The following PPIL3 variants were observed in gnomAD, a reference collection of about 807,000 sequenced individuals.
PPIL3 encodes the protein peptidyl-prolyl cis-trans isomerase-like 3.
In PPIL3, 13 loss-of-function variants were observed where a neutral mutation model predicts 20.9. That is an observed-to-expected ratio of 0.62 (90% CI 0.40 to 0.99). The LOEUF is 0.99. Ranked by LOEUF, PPIL3 falls within the 50% of genes least tolerant of loss-of-function variation. The pLI is 0.00. For synonymous variants in PPIL3, 71 were observed against 64.4 expected (o/e 1.10, Z -0.49); for missense variants, 170 against 195.2 (o/e 0.87, Z 0.77).
At position 200,885,765 on chromosome 2, in the gene PPIL3, G is replaced by A; in HGVS notation, c.11C>T (p.Thr4Ile). Residue 4 changes from threonine (T) to isoleucine (I), a missense_variant, in exon 3 of 7, where the codon ACA (threonine) becomes ATA (isoleucine). Coordinates refer to ENST00000392283, the MANE Select transcript of PPIL3 (RefSeq NM_130906.3). ...AATATCACCTACATCTGTATGCAGTGTCACAGACTAAAAAGGAGAGAAAAT... is the reference window on the plus strand; with the variant it reads ...AATATCACCTACATCTGTATGCAGTATCACAGACTAAAAAGGAGAGAAAAT... MSV[T>I]LHTDVGDIKI... 2 of 1,581,886 alleles carry A rather than the reference G, an allele frequency of 1.3e-6. No individual in the cohort carries two copies. Among genetic ancestry groups the A allele is most frequent in the Non-Finnish European group, 1.7e-6 (2 of 1,157,336 alleles).
intron 6 of PPIL3, among the ~76,000 whole-genome samples, chr2:200,874,007 C>T (rs1371419098): frequency 5.3e-5 from 8 of 151,170 alleles, no homozygotes; most frequent in African/African-American, 7.3e-5. Context: ...AGATTGAGAC[C>T]ATCCTGGCTA....
chr2:200,871,368 C>T lies in PPIL3; in HGVS notation c.*27G>A, dbSNP rs2039297538. The T allele has an allele frequency of 6.3e-7, 1 of 1,586,886 alleles. No homozygotes were observed. The highest frequency in any genetic ancestry group is 8.6e-7 in the Non-Finnish European group (1 of 1,166,088). On this transcript the variant is annotated 3_prime_UTR_variant, in exon 7 of 7. Transcript: ENST00000392283. ...CAATAAGTGTGTTCCAGCAATTTGT[C>T]AAGTTATTTGTCCAGGTCTATCATA... is the stretch of plus-strand genomic sequence containing the variant.
intron 5 of PPIL3, among the ~76,000 whole-genome samples, chr2:200,879,202 A>T (rs976148090): frequency 2.0e-5 from 3 of 151,562 alleles, no homozygotes; most frequent in South Asian, 2.1e-4. Flanking sequence ...CACTGCAAGC[A>T]CTGCCTCCCG....
chr2:200,884,899 A>C (rs911850969), intron 3 of PPIL3: 1 of 151,472 alleles, frequency 6.6e-6, no homozygotes, highest in Non-Finnish European at 1.5e-5. Flanking sequence ...CCCCGTCTCT[A>C]CTAAAAAAAT....
intron 6 of PPIL3, 22 bp from the exon 7 acceptor site, chr2:200,871,543 A>G (rs772728943): frequency 1.3e-6 from 2 of 1,596,398 alleles, no homozygotes. Flanking sequence ...ACAACATAAC[A>G]TATGAAAATT....
Position 200,885,679 on chromosome 2 carries a change from T to C in PPIL3, c.78+19A>G, listed in dbSNP as rs540032200. On this transcript the variant is annotated intron_variant, in intron 3 of 6. Transcript: ENST00000392283. ...TTGTTGTATTAACTGATGTTGAATA[T>C]GTAAATAATAGTACTTACCTCACAT... 9 of 1,442,462 alleles carry C rather than the reference T, an allele frequency of 6.2e-6. No homozygotes were observed. The South Asian group carries it at 8.2e-5, about 13-fold the overall frequency. 89.4% of individuals were successfully genotyped at this position (1,442,462 alleles called of 1,614,324 possible).
At chr2:200,877,999 TCCA>T (rs1202866251) in intron 5 of PPIL3, among the ~76,000 whole-genome samples, 4 of 152,170 alleles carry the variant, frequency 2.6e-5, no homozygotes, top group African/African-American at 9.7e-5. Flanking sequence ...ACACTACAAC[TCCA>T]CCAATTACTC....
Position 200,882,264 on chromosome 2 carries a change from A to T in PPIL3, c.172+78T>A, listed in dbSNP as rs1373252106. 3.1e-6 allele frequency: 3 copies of T among 964,484 alleles called. No homozygotes were observed. The East Asian group carries it at 7.2e-5, about 23-fold the overall frequency. The allele number at this position is 964,484 out of a possible 1,614,324, so 59.7% of individuals were successfully genotyped here. ...ACAAAACAAAACAAAAACTCCACGTATTTAATTCCTCTTCTTTTACCCACT... is the reference window on the plus strand; with the variant it reads ...ACAAAACAAAACAAAAACTCCACGTTTTTAATTCCTCTTCTTTTACCCACT... On this transcript the variant is annotated intron_variant, in intron 4 of 6. Coordinates refer to ENST00000392283, the MANE Select transcript of PPIL3 (RefSeq NM_130906.3).
chr2:200,875,117 C>A (rs1175195086), intron 6 of PPIL3, among the ~76,000 whole-genome samples: 1 of 152,116 alleles, frequency 6.6e-6, no homozygotes, highest in Non-Finnish European at 1.5e-5. Flanking sequence ...TTAATAGATA[C>A]CCTGGCAGAA....
At chr2:200,877,448 G>T (rs1300332746) in intron 5 of PPIL3, 2 of 154,452 alleles carry the variant, frequency 1.3e-5, no homozygotes, top group Non-Finnish European at 2.9e-5. Context: ...AAGAAATACA[G>T]CCATGGACAC....
intron 5 of PPIL3, among the ~76,000 whole-genome samples, chr2:200,881,160 T>C (rs536381471): frequency 6.6e-6 from 1 of 152,204 alleles, no homozygotes; most frequent in African/African-American, 2.4e-5. Flanking sequence ...GGTACACTAC[T>C]AGTTAAACAT....
chr2:200,880,241 T>C (rs1419996429), intron 5 of PPIL3, among the ~76,000 whole-genome samples: 2 of 152,070 alleles, frequency 1.3e-5, no homozygotes, highest in Non-Finnish European at 2.9e-5. Flanking sequence ...AACAAGACCC[T>C]GTCTCTAAAA....
Position 200,885,749 on chromosome 2 carries a change from T to C in PPIL3, c.27A>G (p.Val9=), listed in dbSNP as rs1028517315. 7.5e-6 allele frequency: 12 copies of C among 1,592,566 alleles called. No homozygotes were observed. Among genetic ancestry groups the C allele is most frequent in the Non-Finnish European group, 9.5e-6 (11 of 1,163,132 alleles). Residue 9 remains valine, a synonymous_variant, in exon 3 of 7, where the codon GTA becomes GTG. Coordinates refer to ENST00000392283, the MANE Select transcript of PPIL3 (RefSeq NM_130906.3). ...AGAAGACTTCAATTTTAATATCACCTACATCTGTATGCAGTGTCACAGACT... is the reference window on the plus strand; with the variant it reads ...AGAAGACTTCAATTTTAATATCACCCACATCTGTATGCAGTGTCACAGACT... MSVTLHTD[V]GDIKIEVFCE...
chr2:200,882,637 T>C (rs950176484), intron 3 of PPIL3, among the ~76,000 whole-genome samples: 1 of 152,096 alleles, frequency 6.6e-6, no homozygotes, highest in Non-Finnish European at 1.5e-5. Context: ...TCGCCGGGCA[T>C]GGTGGCTAAC....
rs775379326 is a variant in PPIL3, at chr2:200,876,996, C to T, written c.282G>A (p.Pro94=). The T allele has an allele frequency of 7.4e-6, 12 of 1,613,614 alleles. 1 individual carries two copies. The highest frequency in any genetic ancestry group is 6.6e-5 in the South Asian group (6 of 91,068). ...TGAAGAACTGAGATCCATTGGTGTT[C>T]GGGCCATTATTAGCCATAGATACAA... The part of the protein sequence containing the change: ...RGVVSMANNG[P]NTNGSQFFIT... The change falls in exon 6 of 7, where the codon CCG becomes CCA. Residue 94 remains proline (P), a synonymous_variant. Transcript: ENST00000392283.
intron 1 of PPIL3, chr2:200,888,450 A>T (rs976775323): frequency 2.0e-5 from 3 of 152,986 alleles, no homozygotes; most frequent in African/African-American, 7.4e-5. Context: ...TCACCACAGC[A>T]CTTATACTAA....
chr2:200,873,928 T>G (rs372425578), intron 6 of PPIL3, among the ~76,000 whole-genome samples: 123 of 151,192 alleles, frequency 8.1e-4, no homozygotes, highest in East Asian at 3.0e-3. Context: ...TTTGTAGGCC[T>G]GGCGCAGTGG....
intron 4 of PPIL3, 54 bp from the exon 5 acceptor site, chr2:200,881,542 G>C: frequency 6.8e-7 from 1 of 1,468,482 alleles, no homozygotes; most frequent in Non-Finnish European, 9.5e-7. Flanking sequence ...TTGAAAACAA[G>C]TTCATTTCCC....
In PPIL3 at chr2:200,876,905, AC is replaced by A. The variant is rs1559337249; in HGVS notation, c.359+13del. The A allele has an allele frequency of 4.5e-6, 7 of 1,548,306 alleles. No homozygotes were observed. In the South Asian group the frequency reaches 7.8e-5, roughly 17 times the overall value. ...ATTGAAATGCTAAAAGAAAACCATA[AC>A]CAGAATACTCACTTTCCAAATACGG... On this transcript the variant is annotated intron_variant, in intron 6 of 6. Coordinates refer to ENST00000392283, the MANE Select transcript of PPIL3 (RefSeq NM_130906.3).
Sources: gnomAD v4.1 joint callset for allele counts (sites outside exome capture counted in the v4.1 genomes callset) on GRCh38, gnomAD v4.1.1 for gene constraint, MANE v1.5 for transcripts, NCBI Gene and HGNC (gene_info 2026-07-23, HGNC 2026-07-21) for gene names.